Variants in SH3BP5 observed in about 807,000 individuals in gnomAD.
SH3BP5 encodes the protein SH3 domain-binding protein 5.
A neutral mutation model predicts 43.3 loss-of-function variants in SH3BP5; 22 were observed. The ratio of observed to expected loss-of-function variants is 0.51; its 90% confidence interval spans 0.36 to 0.73. The LOEUF (loss-of-function observed/expected upper bound fraction) is 0.73. SH3BP5 is among the 30% of genes least tolerant of loss of function. SH3BP5 has a pLI of 0.00. For missense variants in SH3BP5, 529 were observed against 586.9 expected (o/e 0.90, Z 1.02); for synonymous variants, 255 against 225.8 (o/e 1.13, Z -1.16).
At chr3:15,323,252 C>A (rs1242749717) in intron 2 of SH3BP5, among the ~76,000 whole-genome samples, 3 of 152,218 alleles carry the variant, frequency 2.0e-5, no homozygotes, top group Admixed American at 6.5e-5. Context: ...ACTACAAAGT[C>A]CATCCCGCTG....
chr3:15,308,972 G>A (rs2125118221), intron 2 of SH3BP5, among the ~76,000 whole-genome samples: 1 of 152,174 alleles, frequency 6.6e-6, no homozygotes, highest in Admixed American at 6.5e-5. Flanking sequence ...TTACTAGATG[G>A]CTCAACTGTG....
intron 3 of SH3BP5, among the ~76,000 whole-genome samples, chr3:15,287,843 C>G (rs933741419): frequency 1.3e-5 from 2 of 152,116 alleles, no homozygotes; most frequent in Admixed American, 6.5e-5. Context: ...AGTCCAGATG[C>G]CGAAAGACAA....
At chr3:15,339,822 T>A (rs748356293) in intron 1 of SH3BP5, 2 of 149,886 alleles carry the variant, frequency 1.3e-5, no homozygotes, top group Admixed American at 6.7e-5. Context: ...TGCACAACCA[T>A]GACATGCAAA....
rs1486097764 is a variant in SH3BP5, at chr3:15,255,832, C to T, written c.*254G>A. The T allele has an allele frequency of 2.6e-5, 11 of 422,100 alleles. No homozygotes were observed. Among genetic ancestry groups the T allele is most frequent in the Middle Eastern group, 6.4e-4 (1 of 1,570 alleles). 26.1% of individuals were successfully genotyped at this position (422,100 alleles called of 1,614,324 possible). ...GAACTAGTTATTGCTTCCACAATGC[C>T]GTTATACGGAATGTTCCACAAAGGC... is the stretch of plus-strand genomic sequence containing the variant. On this transcript the variant is annotated 3_prime_UTR_variant, in exon 9 of 9. Transcript: ENST00000383791.
intron 4 of SH3BP5, among the ~76,000 whole-genome samples, chr3:15,265,511 G>A (rs950931063): frequency 2.3e-4 from 7 of 31,050 alleles, no homozygotes; most frequent in Admixed American, 1.5e-3. Context: ...GCGAGACTCC[G>A]TCACACACAC....
upstream of SH3BP5, among the ~76,000 whole-genome samples, chr3:15,335,280 A>G (rs962025376): frequency 6.6e-6 from 1 of 152,140 alleles, no homozygotes; most frequent in African/African-American, 2.4e-5. Context: ...CGAGAGGCTG[A>G]GGCAGAAGAA....
chr3:15,279,483 C>T lies in SH3BP5; in HGVS notation c.331-9606G>A, dbSNP rs372453798. ...CAGGGTTAGAAATATCAAGGTCAAA[C>T]GGTTTTGTTCCAGCCTGAGCTTAAA... On this transcript the variant is annotated intron_variant, in intron 3 of 8. Transcript: ENST00000383791. 8.9e-4 allele frequency among the ~76,000 whole-genome samples: 136 copies of T among 152,012 alleles called. 1 individual carries two copies. Among genetic ancestry groups the T allele is most frequent in the Non-Finnish European group, 2.9e-4 (20 of 68,008 alleles).
At position 15,256,357 on chromosome 3, in the gene SH3BP5, CCTATAGAA is replaced by C. The variant is rs1696199643; in HGVS notation, c.1151-62_1151-55del. 7.8e-6 allele frequency: 12 copies of C among 1,537,338 alleles called. No homozygotes were observed. In the South Asian group the frequency reaches 1.4e-4, roughly 18 times the overall value. On this transcript the variant is annotated intron_variant, in intron 8 of 8. Coordinates refer to ENST00000383791, the MANE Select transcript of SH3BP5 (RefSeq NM_004844.5). Reference sequence around the variant, plus strand: ...GAGTATTGACAATTCTGCCCTGTCTCCTATAGAAATACAAAGATTATCAAAAGTGAGTA... The same window carrying C: ...GAGTATTGACAATTCTGCCCTGTCTCATACAAAGATTATCAAAAGTGAGTA...
chr3:15,265,891 G>A (rs915777771), intron 4 of SH3BP5, among the ~76,000 whole-genome samples: 5 of 151,902 alleles, frequency 3.3e-5, no homozygotes, highest in South Asian at 4.2e-4. Context: ...GCAAACACCC[G>A]GCACCTTCCC....
In SH3BP5 at chr3:15,256,290, T is replaced by G. The variant is rs1327169479; in HGVS notation, c.1164A>C (p.Glu388Asp). The G allele has an allele frequency of 1.2e-6, 2 of 1,612,484 alleles. No homozygotes were observed. The highest frequency in any genetic ancestry group is 4.5e-5 in the East Asian group (2 of 44,872). The change falls in exon 9 of 9, where the codon GAA (glutamate) becomes GAC (aspartate). Residue 388 changes from glutamate to aspartate, a missense_variant. This residue lies in a region of SH3BP5 where 369 missense variants were observed against 384.3 expected (regional missense o/e 0.96). Coordinates refer to ENST00000383791, the MANE Select transcript of SH3BP5 (RefSeq NM_004844.5). ...TGTCACTTGTTTTATTCTCTGCCCC[T>G]TCTGCCCTGTCTCCTATAGAAATAC... ...ECEVERGDRA[E>D]GAENKTSDKA...
chr3:15,299,149 A>G (rs1697659355), intron 3 of SH3BP5, among the ~76,000 whole-genome samples: 2 of 152,242 alleles, frequency 1.3e-5, no homozygotes, highest in Non-Finnish European at 2.9e-5. Flanking sequence ...CCTGCTTTTC[A>G]GCGTCATTGA....
At chr3:15,282,110 C>T (rs565569060) in intron 3 of SH3BP5, among the ~76,000 whole-genome samples, 11 of 152,232 alleles carry the variant, frequency 7.2e-5, no homozygotes, top group African/African-American at 2.6e-4. Flanking sequence ...TCAAGAGAAC[C>T]AGGAAGAACA....
At chr3:15,268,338 A>G (rs1696700666) in intron 4 of SH3BP5, among the ~76,000 whole-genome samples, 1 of 152,222 alleles carries the variant, frequency 6.6e-6, no homozygotes, top group Non-Finnish European at 1.5e-5. Flanking sequence ...TATTGGCATT[A>G]ACCTGCTGAC....
At position 15,332,399 on chromosome 3, in the gene SH3BP5, C is replaced by T; in HGVS notation, c.10G>A (p.Ala4Thr). 6.5e-7 allele frequency: 1 copy of T among 1,535,520 alleles called. No individual in the cohort carries two copies. The highest frequency in any genetic ancestry group is 8.7e-7 in the Non-Finnish European group (1 of 1,146,312). ...TCCTCCGAGCGGCTCCGCTTCAGTGCCGCGTCCATGCAGGCAGCCGGCACG... is the reference window on the plus strand; with the variant it reads ...TCCTCCGAGCGGCTCCGCTTCAGTGTCGCGTCCATGCAGGCAGCCGGCACG... MDA[A>T]LKRSRSEEPA... Residue 4 changes from alanine (A) to threonine (T), a missense_variant, in exon 1 of 9, where the codon GCA becomes ACA. This residue lies in a region of SH3BP5 where 75 missense variants were observed against 61.8 expected (regional missense o/e 1.21). Transcript: ENST00000383791.
At chr3:15,304,340 G>A in intron 2 of SH3BP5, 109 bp from the exon 3 acceptor site, 1 of 1,520,260 alleles carries the variant, frequency 6.6e-7, no homozygotes. Flanking sequence ...CCAACGTACA[G>A]ACCCCTAAAG....
rs1696589095 is a variant in SH3BP5 at position 15,265,209 on chromosome 3, T to A, written c.496-2920A>T. ...CCTGTCCCTATCTCCCCACTTCTCA[T>A]ATATATACAAAACCTCCAGGGCAGC... is the stretch of plus-strand genomic sequence containing the variant. On this transcript the variant is annotated intron_variant, in intron 4 of 8. Transcript: ENST00000383791. Among the ~76,000 whole-genome samples the A allele has an allele frequency of 2.6e-5, 4 of 152,126 alleles. No homozygotes were observed. The South Asian group carries it at 6.2e-4, about 24-fold the overall frequency.
At chr3:15,317,691 A>C (rs983952404) in intron 2 of SH3BP5, among the ~76,000 whole-genome samples, 1 of 152,250 alleles carries the variant, frequency 6.6e-6, no homozygotes, top group Non-Finnish European at 1.5e-5. Flanking sequence ...AGCTGTCAAG[A>C]ACAAAGGTGG....
At chr3:15,320,743 G>A (rs778857012) in intron 2 of SH3BP5, among the ~76,000 whole-genome samples, 9 of 151,940 alleles carry the variant, frequency 5.9e-5, no homozygotes, top group Non-Finnish European at 1.2e-4. Context: ...GTCAACCTGG[G>A]GATTTGAAGA....
intron 3 of SH3BP5, among the ~76,000 whole-genome samples, chr3:15,272,025 A>G (rs974877634): frequency 1.8e-4 from 27 of 151,952 alleles, no homozygotes; most frequent in African/African-American, 6.3e-4. Flanking sequence ...GGACGTCCCT[A>G]AGGCAGCCCC....
Sources: gnomAD v4.1 joint callset for allele counts (sites outside exome capture counted in the v4.1 genomes callset) on GRCh38, gnomAD v4.1.1 for gene constraint, gnomAD v4.1.1 regional missense constraint, MANE v1.5 for transcripts, NCBI Gene and HGNC (gene_info 2026-07-23, HGNC 2026-07-21) for gene names.